Variants in ZWILCH observed in about 807,000 individuals in gnomAD.
ZWILCH encodes the protein protein zwilch homolog.
In ZWILCH, 74 loss-of-function variants were observed where a neutral mutation model predicts 79.9. That is an observed-to-expected ratio of 0.93 (90% confidence interval 0.77 to 1.12). The LOEUF (loss-of-function observed/expected upper bound fraction) is 1.12, where lower values mean the gene tolerates loss of function less well. Ranked by LOEUF, ZWILCH falls within the 50% of genes most tolerant of loss-of-function variation. The pLI is 0.00. For synonymous variants in ZWILCH, 241 were observed against 228.2 expected, an observed-to-expected ratio of 1.06 and a Z score of -0.51; for missense variants, 694 against 687.5, an observed-to-expected ratio of 1.01 and a Z score of -0.11.
In ZWILCH at chr15:66,533,003, T is replaced by C. The variant is rs1894901262; in HGVS notation, c.1331T>C (p.Leu444Ser). 1 of 1,581,904 alleles carries C rather than the reference T, an allele frequency of 6.3e-7. No homozygotes were observed. The part of the protein sequence containing the change: ...SFFIGQELAS[L>S]NHLEYFIAPS... ...TTAATAGGTCAGGAACTTGCATCTT[T>C]GAATCATTTGGTGAGTTTATTTTTT... The change falls in exon 14 of 19, where the codon TTG becomes TCG. Residue 444 changes from leucine (L) to serine (S), a missense_variant. By Grantham distance (145) the Leu-to-Ser change is moderately radical (BLOSUM62 -2). Transcript: ENST00000307897.
chr15:66,532,130 A>T, intron 12 of ZWILCH, 117 bp from the exon 13 acceptor site: 1 of 727,630 alleles, frequency 1.4e-6, no homozygotes, highest in Non-Finnish European at 2.1e-6. Context: ...GTGTTAGGAG[A>T]CTAGGAATGC....
chr15:66,544,884 C>G (rs1468008358), intron 17 of ZWILCH, among the ~76,000 whole-genome samples: 2 of 151,676 alleles, frequency 1.3e-5, no homozygotes, highest in Admixed American at 6.6e-5. Flanking sequence ...GCTGGGATTA[C>G]AGGCGCGTGC....
At chr15:66,517,383 A>G (rs565625958) in intron 4 of ZWILCH, among the ~76,000 whole-genome samples, 36 of 137,290 alleles carry the variant, frequency 2.6e-4, no homozygotes, top group African/African-American at 9.5e-4. Flanking sequence ...GTTTATAACT[A>G]TTGTTATACC....
intron 4 of ZWILCH, among the ~76,000 whole-genome samples, chr15:66,517,698 A>G (rs1453541909): frequency 1.4e-5 from 1 of 70,228 alleles, no homozygotes; most frequent in Admixed American, 1.3e-4. Flanking sequence ...TTTTGTGTTT[A>G]TTGGGTCCTA....
intron 8 of ZWILCH, among the ~76,000 whole-genome samples, chr15:66,524,947 A>G (rs1239017816): frequency 6.6e-6 from 1 of 152,056 alleles, no homozygotes; most frequent in Non-Finnish European, 1.5e-5. Context: ...TTTGACTGAC[A>G]CCTTTGTGAG....
At chr15:66,515,468 T>G (rs543256829) in intron 3 of ZWILCH, 58 bp from the exon 4 acceptor site, 6 of 1,015,902 alleles carry the variant, frequency 5.9e-6, no homozygotes, top group Non-Finnish European at 9.1e-6. Flanking sequence ...TAGTAAAGAG[T>G]CAGCTGCTAT....
chr15:66,520,975 C>A, intron 6 of ZWILCH, 75 bp from the exon 7 acceptor site: 1 of 1,511,300 alleles, frequency 6.6e-7, no homozygotes, highest in South Asian at 1.3e-5. Context: ...GGACAAGGAT[C>A]AAAATAATTT....
At chr15:66,523,807 ATTG>A (rs947721592) in intron 8 of ZWILCH, 59 bp downstream of exon 8, 150 of 1,354,464 alleles carry the variant, frequency 1.1e-4, no homozygotes, top group Non-Finnish European at 1.4e-4. Context: ...CATGTGTGCT[ATTG>A]TTGTTTTTAC....
chr15:66,518,760 A>T (rs1252004133), intron 4 of ZWILCH, 119 bp from the exon 5 acceptor site: 1 of 899,596 alleles, frequency 1.1e-6, no homozygotes. Context: ...GTAGTGAGCT[A>T]TGATCGCACC....
chr15:66,515,492 T>C (rs1307263973), intron 3 of ZWILCH, 34 bp from the exon 4 acceptor site: 1 of 1,381,870 alleles, frequency 7.2e-7, no homozygotes, highest in Non-Finnish European at 1.0e-6. Context: ...ATATGCTCTT[T>C]TGTCTGGTTA....
In ZWILCH at chr15:66,527,531, G is replaced by A. The variant is rs144331495; in HGVS notation, c.913+148G>A. ...AGAGGGACAGCTTTTGTTCTGAATT[G>A]CTAATGGTAGAGATCTAAGTAATCC... On this transcript the variant is annotated intron_variant, in intron 9 of 18. Coordinates refer to ENST00000307897, the MANE Select transcript of ZWILCH (RefSeq NM_017975.5). 97 of 654,956 alleles carry A rather than the reference G, an allele frequency of 1.5e-4. 1 individual carries two copies. In the East Asian group the frequency reaches 2.6e-3, roughly 18 times the overall value. The allele number at this position is 654,956 out of a possible 1,614,324, so 40.6% of individuals were successfully genotyped here.
chr15:66,506,202 C>CT (rs966401776), intron 1 of ZWILCH, among the ~76,000 whole-genome samples: 2 of 152,068 alleles, frequency 1.3e-5, no homozygotes, highest in Non-Finnish European at 2.9e-5. Context: ...ATCTTCATTG[C>CT]TTTTTTTCCT....
intron 2 of ZWILCH, among the ~76,000 whole-genome samples, chr15:66,511,449 T>A (rs1057380739): frequency 5.4e-5 from 8 of 148,078 alleles, no homozygotes; most frequent in African/African-American, 2.0e-4. Flanking sequence ...GCCAAGATTG[T>A]GCCACTGCAC....
chr15:66,506,856 A>G (rs1893845628), intron 1 of ZWILCH, among the ~76,000 whole-genome samples: 1 of 150,362 alleles, frequency 6.7e-6, no homozygotes, highest in Non-Finnish European at 1.5e-5. Context: ...AACTTTATTT[A>G]GACCCTTTTT....
At chr15:66,508,106 A>G (rs1247366046) in intron 1 of ZWILCH, among the ~76,000 whole-genome samples, 1 of 152,224 alleles carries the variant, frequency 6.6e-6, no homozygotes, top group African/African-American at 2.4e-5. Context: ...TAGATCAAAT[A>G]TAGATATAAA....
intron 8 of ZWILCH, among the ~76,000 whole-genome samples, chr15:66,525,720 A>G (rs1894646115): frequency 6.6e-6 from 1 of 150,836 alleles, no homozygotes. Context: ...TATGCTCCTA[A>G]TCATTTATGA....
At chr15:66,535,705 G>C (rs1185610674) in intron 14 of ZWILCH, among the ~76,000 whole-genome samples, 1 of 150,428 alleles carries the variant, frequency 6.6e-6, no homozygotes, top group Non-Finnish European at 1.5e-5. Flanking sequence ...ACTGTAATAT[G>C]TGTGATCCAT....
At position 66,544,724 on chromosome 15, in the gene ZWILCH, T is replaced by TTGTGTGTG. The variant is rs1555426547; in HGVS notation, c.1688-1839_1688-1832dup. On this transcript the variant is annotated intron_variant, in intron 17 of 18. Coordinates refer to ENST00000307897, the MANE Select transcript of ZWILCH (RefSeq NM_017975.5). ...TGTTTTTTTGTTGTTTTTTTGGTTT[T>TTGTGTGTG]TGTGTGTGTGTGTGTGTGTGTGTGT... Among the ~76,000 whole-genome samples, 482 of 128,528 alleles carry TTGTGTGTG rather than the reference T, an allele frequency of 3.8e-3. 9 individuals are homozygous for TTGTGTGTG. The highest frequency in any genetic ancestry group is 0.02 in the East Asian group (82 of 4,064). 84.3% of individuals were successfully genotyped at this position (128,528 alleles called of 152,430 possible).
In ZWILCH at chr15:66,508,934, A is replaced by T. The variant is rs200507660; in HGVS notation, c.105+42A>T. On this transcript the variant is annotated intron_variant, in intron 2 of 18. Coordinates refer to ENST00000307897, the MANE Select transcript of ZWILCH (RefSeq NM_017975.5). ...TTTTAAACACAACTCTAATCCTAAAATTGTCTGTTTTTATTTTTATTTTGA... is the reference window on the plus strand; with the variant it reads ...TTTTAAACACAACTCTAATCCTAAATTTGTCTGTTTTTATTTTTATTTTGA... 9.1e-5 allele frequency: 145 copies of T among 1,602,184 alleles called. 1 individual carries two copies. The East Asian group carries it at 3.2e-3, about 36-fold the overall frequency.
Sources: gnomAD v4.1 joint callset for allele counts (sites outside exome capture counted in the v4.1 genomes callset) on GRCh38, gnomAD v4.1.1 for gene constraint, MANE v1.5 for transcripts, NCBI Gene and HGNC (gene_info 2026-07-23, HGNC 2026-07-21) for gene names.